USP6NL: variants seen among roughly 807,000 people sequenced by gnomAD.
USP6NL encodes the protein USP6 N-terminal-like protein.
In USP6NL, 26 loss-of-function variants were observed where a neutral mutation model predicts 61.9. The observed-to-expected ratio is 0.42, with a 90% CI of 0.31 to 0.58. The LOEUF (loss-of-function observed/expected upper bound fraction) is 0.58, where lower values mean the gene tolerates loss of function less well. Among genes scored for constraint, USP6NL ranks in the 20% least tolerant of loss-of-function variants. The pLI, the probability that USP6NL is intolerant of heterozygous loss-of-function variation, is 0.16. For missense variants in USP6NL, 1,114 were observed against 1,034.3 expected, an observed-to-expected ratio of 1.08 and a Z score of -1.06; for synonymous variants, 432 against 390.1, an observed-to-expected ratio of 1.11 and a Z score of -1.27.
rs1393062003 is a variant in USP6NL, at chr10:11,587,096, G to C, written c.4+10535C>G. Among the ~76,000 whole-genome samples the C allele has an allele frequency of 1.3e-5, 2 of 152,110 alleles. No homozygotes were observed. Among genetic ancestry groups the C allele is most frequent in the Non-Finnish European group, 2.9e-5 (2 of 68,028 alleles). On this transcript the variant is annotated intron_variant, in intron 2 of 14. Transcript: ENST00000609104. The surrounding 1 kb of genome is among the most constrained non-coding windows in gnomAD (Gnocchi z 4.5). ...TGTCTGGCTTTCCCACCAGTTCCAT[G>C]ATCTACAAGGCCAAGGGTCATGTCT...
chr10:11,532,050 A>C lies in USP6NL; in HGVS notation c.5-4483T>G, dbSNP rs998305446. The C allele has an allele frequency of 2.0e-5, 14 of 695,544 alleles. No homozygotes were observed. The highest frequency in any genetic ancestry group is 1.1e-4 in the African/African-American group (6 of 55,478). The allele number at this position is 695,544 out of a possible 1,614,324, so 43.1% of individuals were successfully genotyped here. On this transcript the variant is annotated intron_variant, in intron 2 of 14. Transcript: ENST00000609104. This position sits in a 1 kb window ranked among gnomAD's most constrained non-coding sequence, Gnocchi z 4.1. ...AAATTAGCACCAAACTGCAATGAAA[A>C]ATTCATACAAAGTTACTAAGGTTCA...
intron 2 of USP6NL, chr10:11,564,436 T>C (rs1426921553): frequency 1.3e-5 from 2 of 152,276 alleles, no homozygotes; most frequent in East Asian, 3.9e-4. Context: ...AATTTATCAA[T>C]TATCTACTAT....
intron 2 of USP6NL, among the ~76,000 whole-genome samples, chr10:11,547,571 ACT>A (rs372271495): frequency 9.2e-5 from 13 of 141,906 alleles, no homozygotes; most frequent in African/African-American, 3.4e-4. Context: ...AGACAGTCTC[ACT>A]CTGTCGCCCA....
At chr10:11,551,735 A>G (rs1017445409) in intron 2 of USP6NL, among the ~76,000 whole-genome samples, 3 of 152,166 alleles carry the variant, frequency 2.0e-5, no homozygotes, top group Admixed American at 1.3e-4. Context: ...AGCAAAGCTC[A>G]CTGACATTCT....
At chr10:11,566,594 C>T (rs1268655194) in intron 2 of USP6NL, among the ~76,000 whole-genome samples, 2 of 152,318 alleles carry the variant, frequency 1.3e-5, no homozygotes, top group African/African-American at 2.4e-5. Flanking sequence ...GAGCTGAACT[C>T]GGGCAATCTG....
rs1317776354 is a variant in USP6NL, at chr10:11,463,355, C to T, written c.1573G>A (p.Val525Met). 1 of 1,614,002 alleles carries T rather than the reference C, an allele frequency of 6.2e-7. No individual in the cohort carries two copies. The highest frequency in any genetic ancestry group is 1.1e-5 in the South Asian group (1 of 91,084). Residue 525 changes from valine to methionine, a missense_variant, in exon 15 of 15, where the codon GTG becomes ATG. Physicochemically the swap from Val to Met is conservative, Grantham distance 21 (BLOSUM62 1). Transcript: ENST00000609104. This position sits in a 1 kb window ranked among gnomAD's most constrained non-coding sequence, Gnocchi z 6.3. Reference sequence around the variant, plus strand: ...TTTGGCCGCACGTTTGACACCCGCACCTCGGCAGGACCTGGGACGGTAACT... The same window carrying T: ...TTTGGCCGCACGTTTGACACCCGCATCTCGGCAGGACCTGGGACGGTAACT... The part of the protein sequence containing the change: ...LAVTVPGPAE[V>M]RVSNVRPKMK...
intron 14 of USP6NL, among the ~76,000 whole-genome samples, chr10:11,471,988 T>C (rs991601388): frequency 5.3e-5 from 8 of 151,260 alleles, no homozygotes; most frequent in African/African-American, 1.9e-4. Context: ...AAAGACTTAC[T>C]GCCCTACTCC....
intron 2 of USP6NL, among the ~76,000 whole-genome samples, chr10:11,572,827 T>C (rs1837410439): frequency 6.6e-6 from 1 of 152,118 alleles, no homozygotes; most frequent in African/African-American, 2.4e-5. Context: ...TATAATCAAC[T>C]GACTTGATGG....
In USP6NL at chr10:11,487,976, T is replaced by G. The variant is rs1833542739; in HGVS notation, c.664+1126A>C. Reference sequence around the variant, plus strand: ...CACAAACTGAACTTGGAAGATCCATTCTTAGAATAACTAGTGTTAAAATTA... The same window carrying G: ...CACAAACTGAACTTGGAAGATCCATGCTTAGAATAACTAGTGTTAAAATTA... On this transcript the variant is annotated intron_variant, in intron 10 of 14. Coordinates refer to ENST00000609104, the MANE Select transcript of USP6NL (RefSeq NM_014688.5). This position sits in a 1 kb window ranked among gnomAD's most constrained non-coding sequence, Gnocchi z 4.2. Among the ~76,000 whole-genome samples the G allele has an allele frequency of 6.6e-6, 1 of 152,218 alleles. No homozygotes were observed. The highest frequency in any genetic ancestry group is 2.4e-5 in the African/African-American group (1 of 41,452).
intron 2 of USP6NL, among the ~76,000 whole-genome samples, chr10:11,586,096 AT>A (rs1311094450): frequency 2.0e-5 from 3 of 152,214 alleles, no homozygotes; most frequent in African/African-American, 7.2e-5. Flanking sequence ...CTTTACCATA[AT>A]TTTTTAAGTT....
intron 2 of USP6NL, among the ~76,000 whole-genome samples, chr10:11,586,874 C>G (rs1417585131): frequency 6.6e-6 from 1 of 152,184 alleles, no homozygotes; most frequent in East Asian, 1.9e-4. Flanking sequence ...CAGTCTCGAT[C>G]TCTCAATGCT....
chr10:11,580,482 G>A (rs901093494), intron 2 of USP6NL, among the ~76,000 whole-genome samples: 4 of 152,094 alleles, frequency 2.6e-5, no homozygotes, highest in Non-Finnish European at 5.9e-5. Flanking sequence ...TAATCGAAAT[G>A]TCCGACAACA....
Position 11,495,917 on chromosome 10 carries a change from C to G in USP6NL, c.385-2689G>C, listed in dbSNP as rs4147002. 0.22 allele frequency among the ~76,000 whole-genome samples: 33,792 copies of G among 152,166 alleles called. 4,370 individuals carry two copies. The highest frequency in any genetic ancestry group is 0.59 in the East Asian group (3,026 of 5,164). On this transcript the variant is annotated intron_variant, in intron 7 of 14. Transcript: ENST00000609104. This position sits in a 1 kb window ranked among gnomAD's most constrained non-coding sequence, Gnocchi z 4.6. ...CTGACTGTGATCCTGCTCGTGGAGG[C>G]ATGTGGCCAAGCAGTTGGACTGGGG...
At chr10:11,521,783 A>C (rs1317973803) in intron 4 of USP6NL, among the ~76,000 whole-genome samples, 1 of 152,248 alleles carries the variant, frequency 6.6e-6, no homozygotes, top group Non-Finnish European at 1.5e-5. Context: ...ATAAATATAC[A>C]CATTTTGATA....
rs1004463401 is a variant in USP6NL, at chr10:11,585,814, T to C, written c.4+11817A>G. On this transcript the variant is annotated intron_variant, in intron 2 of 14. Coordinates refer to ENST00000609104, the MANE Select transcript of USP6NL (RefSeq NM_014688.5). This position sits in a 1 kb window ranked among gnomAD's most constrained non-coding sequence, Gnocchi z 4.5. Reference sequence around the variant, plus strand: ...TAAAAAGGAAGGTGATTCTGACCCATGCTACAATATGGATGGACCTTAAAT... The same window carrying C: ...TAAAAAGGAAGGTGATTCTGACCCACGCTACAATATGGATGGACCTTAAAT... Among the ~76,000 whole-genome samples, 5 of 152,190 alleles carry C rather than the reference T, an allele frequency of 3.3e-5. No individual in the cohort carries two copies. Among genetic ancestry groups the C allele is most frequent in the African/African-American group, 9.6e-5 (4 of 41,454 alleles).
At position 11,496,041 on chromosome 10, in the gene USP6NL, T is replaced by G. The variant is rs1833911173; in HGVS notation, c.385-2813A>C. 6.6e-6 allele frequency among the ~76,000 whole-genome samples: 1 copy of G among 152,220 alleles called. No individual in the cohort carries two copies. The highest frequency in any genetic ancestry group is 1.5e-5 in the Non-Finnish European group (1 of 68,038). On this transcript the variant is annotated intron_variant, in intron 7 of 14. Coordinates refer to ENST00000609104, the MANE Select transcript of USP6NL (RefSeq NM_014688.5). The surrounding 1 kb of genome is among the most constrained non-coding windows in gnomAD (Gnocchi z 5.4). ...CCTGTCAGGAAGACAAGCACCTGGC[T>G]GCTAGTGATCTGGGAGGTGAGTTGA...
chr10:11,498,574 T>C (rs1188084973), intron 7 of USP6NL, among the ~76,000 whole-genome samples: 1 of 152,090 alleles, frequency 6.6e-6, no homozygotes, highest in Admixed American at 6.6e-5. Flanking sequence ...CTTGGCATGG[T>C]TGCAGGAACT....
Position 11,585,843 on chromosome 10 carries a change from T to C in USP6NL, c.4+11788A>G, listed in dbSNP as rs1400387280. Reference sequence around the variant, plus strand: ...ACAATATGGATGGACCTTAAATACATTGTGCTGAGTTAAACCAGTTACAAA... The same window carrying C: ...ACAATATGGATGGACCTTAAATACACTGTGCTGAGTTAAACCAGTTACAAA... On this transcript the variant is annotated intron_variant, in intron 2 of 14. Coordinates refer to ENST00000609104, the MANE Select transcript of USP6NL (RefSeq NM_014688.5). This position sits in a 1 kb window ranked among gnomAD's most constrained non-coding sequence, Gnocchi z 4.5. Among the ~76,000 whole-genome samples the C allele has an allele frequency of 6.6e-5, 10 of 152,162 alleles. No homozygotes were observed. Among genetic ancestry groups the C allele is most frequent in the Non-Finnish European group, 8.8e-5 (6 of 68,028 alleles).
chr10:11,566,341 C>G (rs1591935529), intron 2 of USP6NL, among the ~76,000 whole-genome samples: 1 of 152,212 alleles, frequency 6.6e-6, no homozygotes, highest in Non-Finnish European at 1.5e-5. Flanking sequence ...TCGGTACACA[C>G]ACAAAGCATA....
Sources: gnomAD v4.1 joint callset for allele counts (sites outside exome capture counted in the v4.1 genomes callset) on GRCh38, gnomAD v4.1.1 for gene constraint, Gnocchi (gnomAD v3.1) non-coding constraint, MANE v1.5 for transcripts, NCBI Gene and HGNC (gene_info 2026-07-23, HGNC 2026-07-21) for gene names.